CACNA1C: variants seen among roughly 807,000 people sequenced by gnomAD.
The protein encoded by CACNA1C is calcium voltage-gated channel subunit alpha1 C.
A neutral mutation model predicts 229.0 loss-of-function variants in CACNA1C; 30 were observed. The ratio of observed to expected loss-of-function variants is 0.13; its 90% CI spans 0.10 to 0.18. The LOEUF is 0.18. Ranked by LOEUF, CACNA1C falls within the 10% of genes least tolerant of loss-of-function variation. The pLI, the probability that CACNA1C is intolerant of heterozygous loss-of-function variation, is 1.00. For missense variants in CACNA1C, 1,658 were observed against 2,845.0 expected (o/e 0.58, Z 9.49); for synonymous variants, 1,114 against 1,132.5 (o/e 0.98, Z 0.33).
In CACNA1C at chr12:2,330,598, G is replaced by A. The variant is rs186216453; in HGVS notation, c.478-118378G>A. On this transcript the variant is annotated intron_variant, in intron 3 of 46. Coordinates refer to ENST00000399655, the MANE Select transcript of CACNA1C (RefSeq NM_000719.7). ...CAGAGGCCAAGTGCTTAGCCAGGAT[G>A]CTATTTTTCCAATGTCCTAAATTAT... 2.2e-4 allele frequency among the ~76,000 whole-genome samples: 34 copies of A among 152,334 alleles called. No homozygotes were observed. The East Asian group carries it at 5.0e-3, about 22-fold the overall frequency.
At chr12:2,091,612 G>A (rs547645343) in intron 1 of CACNA1C, among the ~76,000 whole-genome samples, 2 of 152,208 alleles carry the variant, frequency 1.3e-5, no homozygotes, top group South Asian at 4.1e-4. Flanking sequence ...GACCCACATG[G>A]ATAATCCCAT....
At chr12:2,337,265 G>A (rs2096726695) in intron 3 of CACNA1C, among the ~76,000 whole-genome samples, 1 of 152,204 alleles carries the variant, frequency 6.6e-6, no homozygotes, top group Non-Finnish European at 1.5e-5. Context: ...TGAGCATTCA[G>A]GGTAAACCTG....
intron 3 of CACNA1C, among the ~76,000 whole-genome samples, chr12:2,438,431 G>T (rs1249052158): frequency 1.3e-5 from 2 of 151,812 alleles, no homozygotes; most frequent in Non-Finnish European, 1.5e-5. Context: ...AGGTGATGTT[G>T]GAGGTGGACA....
intron 1 of CACNA1C, among the ~76,000 whole-genome samples, chr12:2,106,440 G>A (rs1383708198): frequency 1.0e-5 from 1 of 96,072 alleles, no homozygotes; most frequent in African/African-American, 3.9e-5. Context: ...ACCCTGGGGA[G>A]GGTTTCCACC....
intron 10 of CACNA1C, chr12:2,550,505 G>T: frequency 3.0e-6 from 4 of 1,333,698 alleles, no homozygotes; most frequent in African/African-American, 1.5e-5. Context: ...GAGATGACTG[G>T]CATGTGGGTC....
intron 1 of CACNA1C, among the ~76,000 whole-genome samples, chr12:2,112,076 G>A (rs2081982932): frequency 6.6e-6 from 1 of 152,198 alleles, no homozygotes; most frequent in Non-Finnish European, 1.5e-5. Context: ...AGAGAGGGCT[G>A]AGGAGGCAGG....
In CACNA1C at chr12:2,388,638, C is replaced by A. The variant is rs531933061; in HGVS notation, c.478-60338C>A. 4.0e-4 allele frequency among the ~76,000 whole-genome samples: 60 copies of A among 151,692 alleles called. 1 individual carries two copies. The highest frequency in any genetic ancestry group is 1.1e-3 in the African/African-American group (47 of 41,324). Reference sequence around the variant, plus strand: ...CAAGTGTAGTTGATCAGTTCATGGTCCATGTTGGGTTTGTGGAGTTGGCAG... The same window carrying A: ...CAAGTGTAGTTGATCAGTTCATGGTACATGTTGGGTTTGTGGAGTTGGCAG... On this transcript the variant is annotated intron_variant, in intron 3 of 46. Transcript: ENST00000399655.
chr12:2,089,889 C>T (rs187342102), intron 1 of CACNA1C, among the ~76,000 whole-genome samples: 31 of 151,962 alleles, frequency 2.0e-4, no homozygotes, highest in African/African-American at 5.1e-4. Flanking sequence ...ATTAGCCGGG[C>T]GTGGTGGCAG....
chr12:2,535,324 G>T (rs984701727), intron 9 of CACNA1C, among the ~76,000 whole-genome samples: 44 of 151,922 alleles, frequency 2.9e-4, no homozygotes, highest in Non-Finnish European at 6.0e-4. Flanking sequence ...GGGGAGTGGA[G>T]CTTGCAGTGA....
At chr12:2,474,342 C>A (rs557728031) in intron 5 of CACNA1C, among the ~76,000 whole-genome samples, 1 of 152,154 alleles carries the variant, frequency 6.6e-6, no homozygotes, top group Non-Finnish European at 1.5e-5. Flanking sequence ...GAGAATGTCG[C>A]AAAGATTTTC....
At chr12:2,612,137 C>A in intron 29 of CACNA1C, 124 bp downstream of exon 29, 1 of 658,990 alleles carries the variant, frequency 1.5e-6, no homozygotes, top group South Asian at 1.8e-5. Context: ...AAGGACCATC[C>A]CTGCTCCGAT....
At chr12:2,507,905 C>G (rs1048433222) in intron 8 of CACNA1C, among the ~76,000 whole-genome samples, 2 of 152,118 alleles carry the variant, frequency 1.3e-5, no homozygotes, top group Non-Finnish European at 2.9e-5. Context: ...AAATGACAGG[C>G]GAGAAATGGA....
chr12:2,449,056 C>T lies in CACNA1C; in HGVS notation c.558C>T (p.His186=), dbSNP rs1596540994. 6.3e-7 allele frequency: 1 copy of T among 1,596,318 alleles called. No homozygotes were observed. The change falls in exon 4 of 47, where the codon CAC becomes CAT. Residue 186 remains histidine (H), a synonymous_variant. Coordinates refer to ENST00000399655, the MANE Select transcript of CACNA1C (RefSeq NM_000719.7). ...LKVIAYGLLF[H]PNAYLRNGWN... is the part of the protein sequence containing the mutation. ...TAATCGCCTATGGACTCCTCTTTCA[C>T]CCCAATGCCTACCTCCGCAACGGCT...
intron 3 of CACNA1C, among the ~76,000 whole-genome samples, chr12:2,306,883 C>G (rs982076210): frequency 6.6e-6 from 1 of 152,234 alleles, no homozygotes. Context: ...GTTTTCAAGG[C>G]CTGTTTGCAC....
At chr12:2,267,114 C>T (rs576555818) in intron 3 of CACNA1C, among the ~76,000 whole-genome samples, 12 of 152,224 alleles carry the variant, frequency 7.9e-5, no homozygotes, top group African/African-American at 1.4e-4. Context: ...AGGGGTTCTA[C>T]GGGTATTGCC....
chr12:2,628,399 A>G (rs894121969), intron 29 of CACNA1C, among the ~76,000 whole-genome samples: 1 of 152,230 alleles, frequency 6.6e-6, no homozygotes, highest in Non-Finnish European at 1.5e-5. Flanking sequence ...AGCGTCAGCC[A>G]GATTTCATTC....
chr12:2,386,524 G>A (rs931508382), intron 3 of CACNA1C, among the ~76,000 whole-genome samples: 1 of 152,118 alleles, frequency 6.6e-6, no homozygotes, highest in African/African-American at 2.4e-5. Context: ...CTTCTGCCTG[G>A]AATGCCTGTC....
At chr12:2,314,142 C>G (rs2095569967) in intron 3 of CACNA1C, among the ~76,000 whole-genome samples, 1 of 152,158 alleles carries the variant, frequency 6.6e-6, no homozygotes, top group African/African-American at 2.4e-5. Context: ...CACCTTCTCT[C>G]CTGGGCACCT....
chr12:2,685,839 C>T lies in CACNA1C; in HGVS notation c.5677C>T (p.Leu1893=). 6.2e-7 allele frequency: 1 copy of T among 1,606,384 alleles called. No homozygotes were observed. Among genetic ancestry groups the T allele is most frequent in the Non-Finnish European group, 8.5e-7 (1 of 1,172,878 alleles). The change falls in exon 44 of 47, where the codon CTA becomes TTA. Residue 1893 remains leucine (L), a synonymous_variant. Transcript: ENST00000399655. ...GAGGGGTTTCCTCCGCTCTGCCTCACTAGGTAAATGCACCGCTCGCTCTCT... is the reference window on the plus strand; with the variant it reads ...GAGGGGTTTCCTCCGCTCTGCCTCATTAGGTAAATGCACCGCTCGCTCTCT... ...PKRGFLRSAS[L]GRRASFHLEC...
Sources: gnomAD v4.1 joint callset for allele counts (sites outside exome capture counted in the v4.1 genomes callset) on GRCh38, gnomAD v4.1.1 for gene constraint, MANE v1.5 for transcripts, NCBI Gene and HGNC (gene_info 2026-07-23, HGNC 2026-07-21) for gene names.